Variants in GON4L observed in about 807,000 individuals in gnomAD.
GON4L encodes the protein gon-4 like.
GON4L carries 87 observed loss-of-function variants against 211.8 expected under a neutral mutation model. That is an observed-to-expected ratio of 0.41 (90% CI 0.35 to 0.49). The LOEUF (loss-of-function observed/expected upper bound fraction) is 0.49. Among genes scored for constraint, GON4L ranks in the 20% least tolerant of loss-of-function variants. The probability of loss-of-function intolerance (pLI) is 0.15; values close to 1 mark genes in which losing one functional copy is unlikely to be tolerated. For missense variants in GON4L, 2,155 were observed against 2,659.5 expected (o/e 0.81, Z 4.17); for synonymous variants, 875 against 962.6 (o/e 0.91, Z 1.68).
intron 27 of GON4L, among the ~76,000 whole-genome samples, chr1:155,755,173 C>T (rs1408784475): frequency 6.6e-6 from 1 of 150,420 alleles, no homozygotes; most frequent in Non-Finnish European, 1.5e-5. Flanking sequence ...CGGGATCAAG[C>T]GATTCCCATG....
Position 155,765,397 on chromosome 1 carries a change from C to T in GON4L, c.4076G>A (p.Gly1359Asp), listed in dbSNP as rs780276195. The T allele has an allele frequency of 3.1e-6, 5 of 1,614,182 alleles. No individual in the cohort carries two copies. In the South Asian group the frequency reaches 5.5e-5, roughly 18 times the overall value. Residue 1359 changes from glycine to aspartate, a missense_variant, in exon 21 of 32, where the codon GGT becomes GAT. This residue lies in a region of GON4L where 615 missense variants were observed against 625.7 expected (regional missense o/e 0.98). Coordinates refer to ENST00000368331, the MANE Select transcript of GON4L (RefSeq NM_001282860.2). ...KVEHAVELDT[G>D]APSEELSSAG... is the part of the protein sequence containing the mutation. Reference sequence around the variant, plus strand: ...ACTGCTCAACTCCTCGCTTGGGGCACCAGTGTCCAATTCCACAGCATGTTC... The same window carrying T: ...ACTGCTCAACTCCTCGCTTGGGGCATCAGTGTCCAATTCCACAGCATGTTC...
intron 24 of GON4L, among the ~76,000 whole-genome samples, chr1:155,758,787 G>A (rs1661455548): frequency 6.6e-6 from 1 of 152,200 alleles, no homozygotes. Flanking sequence ...GCTGAGGCAG[G>A]AGAATCACTT....
rs774240045 is a variant in GON4L at position 155,853,268 on chromosome 1, T to C, written c.505+8A>G. On this transcript the variant is annotated splice_region_variant and intron_variant, in intron 2 of 31. Transcript: ENST00000368331. ...AAGAATGTAACCTAGAGACCTTGTA[T>C]ACCTTACCTCCTTCTTCCTTGACTT... is the stretch of plus-strand genomic sequence containing the variant. The C allele has an allele frequency of 3.7e-6, 6 of 1,611,968 alleles. No homozygotes were observed. The South Asian group carries it at 5.5e-5, about 15-fold the overall frequency.
chr1:155,850,054 T>A (rs1157887388), intron 2 of GON4L, among the ~76,000 whole-genome samples: 2 of 151,180 alleles, frequency 1.3e-5, no homozygotes, highest in Non-Finnish European at 2.9e-5. Flanking sequence ...AAAACCTTCA[T>A]TTCTCCTTTC....
In GON4L at chr1:155,766,110, C is replaced by G; in HGVS notation, c.3363G>C (p.Lys1121Asn). 6.2e-7 allele frequency: 1 copy of G among 1,614,140 alleles called. No individual in the cohort carries two copies. ...RKPYVRRRPSKRRGVKASPCM... is the reference protein window; with the variant it reads ...RKPYVRRRPSNRRGVKASPCM... ...AGGGAGAGGCCTTGACTCCTCTTCT[C>G]TTTGAGGGTCTCCGTCTCACATATG... The change falls in exon 21 of 32, where the codon AAG (lysine) becomes AAC (asparagine). Residue 1121 changes from lysine (K) to asparagine (N), a missense_variant. By Grantham distance (94) the Lys-to-Asn change is moderately conservative. This residue lies in a region of GON4L where 615 missense variants were observed against 625.7 expected (regional missense o/e 0.98). Transcript: ENST00000368331.
intron 24 of GON4L, among the ~76,000 whole-genome samples, chr1:155,759,139 G>A (rs1661494781): frequency 6.6e-6 from 1 of 151,974 alleles, no homozygotes; most frequent in Admixed American, 6.5e-5. Flanking sequence ...TGGGACCAAA[G>A]GTGTGCACCA....
In GON4L at chr1:155,794,937, CCTAAATGT is replaced by C. The variant is rs1472819375; in HGVS notation, c.1747+105_1747+112del. On this transcript the variant is annotated intron_variant, in intron 12 of 31. Coordinates refer to ENST00000368331, the MANE Select transcript of GON4L (RefSeq NM_001282860.2). ...CAGATCAATAAATGGGTAAAGGAAACCTAAATGTCTTAACATGGATGAGCTGCAAACTT... is the reference window on the plus strand; with the variant it reads ...CAGATCAATAAATGGGTAAAGGAAACCTTAACATGGATGAGCTGCAAACTT... The C allele has an allele frequency of 1.2e-5, 9 of 730,080 alleles. No individual in the cohort carries two copies. The African/African-American group carries it at 1.6e-4, about 13-fold the overall frequency. The allele number at this position is 730,080 out of a possible 1,614,324, so 45.2% of individuals were successfully genotyped here.
chr1:155,815,960 G>C lies in GON4L; in HGVS notation c.1066-60C>G. ...GGGAAACACAAATCATACGTATTTG[G>C]AAAATAAGGGGAAGAAGCAGGGCAG... On this transcript the variant is annotated intron_variant, in intron 7 of 31. Coordinates refer to ENST00000368331, the MANE Select transcript of GON4L (RefSeq NM_001282860.2). 1.1e-5 allele frequency: 11 copies of C among 1,025,024 alleles called. 1 individual carries two copies. In the South Asian group the frequency reaches 1.4e-4, roughly 13 times the overall value. The allele number at this position is 1,025,024 out of a possible 1,614,324, so 63.5% of individuals were successfully genotyped here. A position where few individuals can be genotyped will look rare whatever the true frequency, so the allele number is the denominator to read the frequency against.
At chr1:155,827,100 T>C (rs1669282310) in intron 2 of GON4L, 72 bp from the exon 3 acceptor site, 2 of 1,141,944 alleles carry the variant, frequency 1.8e-6, no homozygotes, top group African/African-American at 3.0e-5. Flanking sequence ...ATTTAGCATC[T>C]TATTATAGTG....
In GON4L at chr1:155,822,394, T is replaced by C; in HGVS notation, c.780A>G (p.Glu260=). ...GTTTCAGGTCATATGCCAAGGTCCC[T>C]TCTTGACCCCTTCCATCTCGTTTCC... is the stretch of plus-strand genomic sequence containing the variant. ...TKRKRDGRGQ[E]GTLAYDLKLD... is the part of the protein sequence containing the mutation. The change falls in exon 4 of 32, where the codon GAA becomes GAG. Residue 260 remains glutamate, a synonymous_variant. Coordinates refer to ENST00000368331, the MANE Select transcript of GON4L (RefSeq NM_001282860.2). The C allele has an allele frequency of 6.2e-7, 1 of 1,613,690 alleles. No homozygotes were observed.
Position 155,766,359 on chromosome 1 carries a change from C to T in GON4L, c.3114G>A (p.Arg1038=). Residue 1038 remains arginine (R), a synonymous_variant, in exon 21 of 32, where the codon CGG becomes CGA. Coordinates refer to ENST00000368331, the MANE Select transcript of GON4L (RefSeq NM_001282860.2). ...SEAPPSKMVL[R]IPHPIQPATV... is the part of the protein sequence containing the mutation. ...TGGCTGGCTGTATTGGGTGAGGAAT[C>T]CGGAGCACCATTTTGCTCGGAGGGG... 8 of 1,614,082 alleles carry T rather than the reference C, an allele frequency of 5.0e-6. No individual in the cohort carries two copies. The highest frequency in any genetic ancestry group is 5.9e-6 in the Non-Finnish European group (7 of 1,180,026).
intron 22 of GON4L, among the ~76,000 whole-genome samples, chr1:155,763,032 T>C (rs1341550779): frequency 2.0e-5 from 3 of 149,506 alleles, no homozygotes; most frequent in Admixed American, 2.0e-4. Flanking sequence ...CAAGACTCCG[T>C]CTCAAAAAAA....
At chr1:155,777,588 A>T in intron 15 of GON4L, 34 bp downstream of exon 15, 1 of 1,543,530 alleles carries the variant, frequency 6.5e-7, no homozygotes, top group Non-Finnish European at 9.0e-7. Flanking sequence ...CAAAAAAAAA[A>T]ATCCAATGTT....
intron 2 of GON4L, among the ~76,000 whole-genome samples, chr1:155,841,923 G>C (rs1176075519): frequency 1.3e-5 from 2 of 152,130 alleles, no homozygotes; most frequent in Non-Finnish European, 2.9e-5. Context: ...AACTACCTGG[G>C]AGCCTGAGGC....
intron 10 of GON4L, among the ~76,000 whole-genome samples, chr1:155,806,971 C>T (rs922322546): frequency 2.0e-5 from 3 of 151,284 alleles, no homozygotes; most frequent in Non-Finnish European, 2.9e-5. Flanking sequence ...GTGGTGGCAC[C>T]AATTGTAGTC....
At chr1:155,775,341 T>C (rs1273804774) in intron 16 of GON4L, among the ~76,000 whole-genome samples, 168 bp from the exon 17 acceptor site, 2 of 152,204 alleles carry the variant, frequency 1.3e-5, no homozygotes, top group African/African-American at 2.4e-5. Flanking sequence ...ATGCCTGAGT[T>C]CCCAGATATT....
intron 12 of GON4L, among the ~76,000 whole-genome samples, chr1:155,786,700 G>A (rs1230880738): frequency 1.3e-5 from 2 of 152,132 alleles, no homozygotes; most frequent in Non-Finnish European, 1.5e-5. Flanking sequence ...CCAACAGACG[G>A]AAAATTCAAA....
intron 10 of GON4L, among the ~76,000 whole-genome samples, chr1:155,807,333 T>C (rs1476710301): frequency 6.6e-6 from 1 of 151,540 alleles, no homozygotes; most frequent in Non-Finnish European, 1.5e-5. Context: ...CAGGAGGAGG[T>C]TGAGGCTGCA....
chr1:155,800,522 A>C (rs1436517948), intron 11 of GON4L, among the ~76,000 whole-genome samples: 1 of 150,996 alleles, frequency 6.6e-6, no homozygotes, highest in Non-Finnish European at 1.5e-5. Flanking sequence ...GCGCCACTGC[A>C]CTCCAGCCTG....
Sources: gnomAD v4.1 joint callset for allele counts (sites outside exome capture counted in the v4.1 genomes callset) on GRCh38, gnomAD v4.1.1 for gene constraint, gnomAD v4.1.1 regional missense constraint, MANE v1.5 for transcripts, NCBI Gene and HGNC (gene_info 2026-07-23, HGNC 2026-07-21) for gene names.